The following BCAR3 variants were observed in gnomAD, a reference collection of about 807,000 sequenced individuals.
The protein encoded by BCAR3 is BCAR3 adaptor protein, NSP family member.
A neutral mutation model predicts 80.1 loss-of-function variants in BCAR3; 37 were observed. The ratio of observed to expected loss-of-function variants is 0.46; its 90% CI spans 0.36 to 0.61. BCAR3 has a LOEUF of 0.61. Among genes scored for constraint, BCAR3 ranks in the 20% least tolerant of loss-of-function variants. The pLI is 0.00. For missense variants in BCAR3, 978 were observed against 1,068.2 expected (o/e 0.92, Z 1.18); for synonymous variants, 389 against 418.9 (o/e 0.93, Z 0.87).
chr1:93,683,756 AG>A (rs1648882442), upstream of BCAR3, among the ~76,000 whole-genome samples: 1 of 152,232 alleles, frequency 6.6e-6, no homozygotes, highest in Non-Finnish European at 1.5e-5. Context: ...TTAAAAGTGA[AG>A]ACAGTGGTTA....
intron 2 of BCAR3, among the ~76,000 whole-genome samples, chr1:93,729,619 G>C (rs1235026680): frequency 1.3e-5 from 2 of 152,182 alleles, no homozygotes; most frequent in African/African-American, 4.8e-5. Context: ...CCTGACGCTG[G>C]GATGGCTTCT....
Position 93,714,087 on chromosome 1 carries a change from A to T in BCAR3, c.-62-7945T>A, listed in dbSNP as rs185464513. On this transcript the variant is annotated intron_variant, in intron 2 of 13. Coordinates refer to the BCAR3 transcript ENST00000370244. ...AAGCTCCGCCTCCTGGGTTCATGCCATTCTCCTGCCTCAGCCTCCCGAGTA... is the reference window on the plus strand; with the variant it reads ...AAGCTCCGCCTCCTGGGTTCATGCCTTTCTCCTGCCTCAGCCTCCCGAGTA... Among the ~76,000 whole-genome samples the T allele has an allele frequency of 5.3e-4, 81 of 152,158 alleles. 1 individual carries two copies. In the East Asian group the frequency reaches 0.015, roughly 29 times the overall value.
At chr1:93,685,597 C>T (rs1571043927), upstream of BCAR3, among the ~76,000 whole-genome samples, 1 of 152,238 alleles carries the variant, frequency 6.6e-6, no homozygotes, top group African/African-American at 2.4e-5. Context: ...TTATTACAAA[C>T]CATATGGCAA....
At chr1:93,676,257 T>C (rs571072533) in intron 1 of BCAR3, among the ~76,000 whole-genome samples, 2 of 152,098 alleles carry the variant, frequency 1.3e-5, no homozygotes, top group Admixed American at 1.3e-4. Flanking sequence ...CCAAGAAGAA[T>C]GCAACCCTCC....
intron 3 of BCAR3, among the ~76,000 whole-genome samples, chr1:93,635,213 C>G (rs1214262244): frequency 6.6e-6 from 1 of 151,974 alleles, no homozygotes; most frequent in Non-Finnish European, 1.5e-5. Context: ...GAATGAGACC[C>G]TGTTTCTTAA....
At chr1:93,728,613 T>C (rs569318936) in intron 2 of BCAR3, among the ~76,000 whole-genome samples, 8 of 152,316 alleles carry the variant, frequency 5.3e-5, no homozygotes, top group Admixed American at 4.6e-4. Flanking sequence ...GTCAGGCTAC[T>C]TAGCTGCCCG....
chr1:93,566,491 C>T (rs1464670682), intron 11 of BCAR3, among the ~76,000 whole-genome samples: 3 of 152,074 alleles, frequency 2.0e-5, no homozygotes, highest in East Asian at 1.9e-4. Context: ...AAATGCCGGC[C>T]GTGCTGACTG....
intron 3 of BCAR3, among the ~76,000 whole-genome samples, chr1:93,618,447 G>A (rs1675205485): frequency 6.6e-6 from 1 of 152,236 alleles, no homozygotes; most frequent in Non-Finnish European, 1.5e-5. Context: ...CTTCACAGCA[G>A]ATTTCTCTCT....
chr1:93,659,351 A>G (rs1647540449), intron 2 of BCAR3, among the ~76,000 whole-genome samples: 2 of 151,570 alleles, frequency 1.3e-5, no homozygotes, highest in African/African-American at 4.9e-5. Context: ...TGCCTGGCTA[A>G]TTTTTTTATT....
intron 2 of BCAR3, among the ~76,000 whole-genome samples, chr1:93,747,636 C>T (rs12139968): frequency 0.12 from 18,169 of 151,538 alleles, 1,885 homozygotes; most frequent in African/African-American, 0.23. Flanking sequence ...CCCTGCCTCT[C>T]GTCTCTCCCA....
chr1:93,832,902 A>G (rs576378003), intron 2 of BCAR3, among the ~76,000 whole-genome samples: 18 of 152,116 alleles, frequency 1.2e-4, no homozygotes, highest in Admixed American at 5.2e-4. Flanking sequence ...CCCCAGTTCA[A>G]AGCCTCCTTC....
intron 3 of BCAR3, among the ~76,000 whole-genome samples, chr1:93,611,690 T>A (rs12739747): frequency 0.13 from 19,108 of 152,150 alleles, 1,223 homozygotes; most frequent in Middle Eastern, 0.17. Context: ...TCTAAATACA[T>A]CCTAAATTCT....
chr1:93,617,658 T>G (rs1187749448), intron 3 of BCAR3, among the ~76,000 whole-genome samples: 1 of 152,230 alleles, frequency 6.6e-6, no homozygotes. Flanking sequence ...TCTGGCTTTT[T>G]GCTTCCCCTA....
intron 1 of BCAR3, chr1:93,847,028 G>GCCGCCGGCCGGCCCGGGC (rs200230769): frequency 1.6e-5 from 5 of 309,168 alleles, no homozygotes; most frequent in African/African-American, 4.7e-5. Flanking sequence ...CGGCGGCCGG[G>GCCGCCGGCCGGCCCGGGC]CGCGAGGGAA....
intron 3 of BCAR3, among the ~76,000 whole-genome samples, chr1:93,639,157 A>ACGAC (rs1675898095): frequency 6.6e-6 from 1 of 152,128 alleles, no homozygotes; most frequent in African/African-American, 2.4e-5. Flanking sequence ...CTTGGGATGA[A>ACGAC]CGACCGGTAG....
intron 2 of BCAR3, among the ~76,000 whole-genome samples, chr1:93,737,070 G>T (rs1372629970): frequency 2.0e-5 from 3 of 152,212 alleles, no homozygotes; most frequent in African/African-American, 7.2e-5. Flanking sequence ...ACCACTGCTA[G>T]AAGCCATTTA....
At chr1:93,688,654 G>A (rs1204285088) in intron 3 of BCAR3, among the ~76,000 whole-genome samples, 1 of 151,860 alleles carries the variant, frequency 6.6e-6, no homozygotes, top group Non-Finnish European at 1.5e-5. Flanking sequence ...GGAGTGCGGT[G>A]GAGCCATGAC....
At chr1:93,627,771 A>T (rs543860038) in intron 3 of BCAR3, among the ~76,000 whole-genome samples, 2 of 152,318 alleles carry the variant, frequency 1.3e-5, no homozygotes, top group South Asian at 4.1e-4. Flanking sequence ...AAGTCACATA[A>T]CAAAAACTTT....
intron 7 of BCAR3, among the ~76,000 whole-genome samples, chr1:93,580,124 C>T (rs1673638853): frequency 6.6e-6 from 1 of 152,174 alleles, no homozygotes; most frequent in Non-Finnish European, 1.5e-5. Context: ...CTGAGTCATC[C>T]CTCAAGTTCT....
Sources: gnomAD v4.1 joint callset for allele counts (sites outside exome capture counted in the v4.1 genomes callset) on GRCh38, gnomAD v4.1.1 for gene constraint, MANE v1.5 for transcripts, NCBI Gene and HGNC (gene_info 2026-07-23, HGNC 2026-07-21) for gene names.